Variants in NUMB observed in about 807,000 individuals in gnomAD.
The protein encoded by NUMB is protein numb homolog.
In NUMB, 29 loss-of-function variants were observed where a neutral mutation model predicts 59.7. The ratio of observed to expected loss-of-function variants is 0.49; its 90% confidence interval spans 0.36 to 0.66. The LOEUF is 0.66. NUMB is among the 30% of genes least tolerant of loss of function. NUMB has a pLI of 0.00. For synonymous variants in NUMB, 288 were observed against 288.2 expected (o/e 1.00, Z 0.01); for missense variants, 723 against 822.0 (o/e 0.88, Z 1.47).
chr14:73,450,375 A>G lies in NUMB; in HGVS notation c.-233+8118T>C, dbSNP rs147684537. On this transcript the variant is annotated intron_variant, in intron 1 of 12. Transcript: ENST00000555238. Reference sequence around the variant, plus strand: ...CCATTCTGTCATGCTGCCTCTGGACATAAATGATGCTCTTTCAATTTCATA... The same window carrying G: ...CCATTCTGTCATGCTGCCTCTGGACGTAAATGATGCTCTTTCAATTTCATA... Among the ~76,000 whole-genome samples, 67 of 152,378 alleles carry G rather than the reference A, an allele frequency of 4.4e-4. 2 individuals are homozygous for G. The highest frequency in any genetic ancestry group is 1.5e-3 in the African/African-American group (62 of 41,602).
intron 2 of NUMB, among the ~76,000 whole-genome samples, chr14:73,376,343 A>G (rs2140067330): frequency 6.6e-6 from 1 of 151,948 alleles, no homozygotes; most frequent in East Asian, 1.9e-4. Context: ...GTCTAATCAA[A>G]TATTTTCAAA....
At chr14:73,321,980 T>C (rs1891427976) in intron 5 of NUMB, among the ~76,000 whole-genome samples, 1 of 152,212 alleles carries the variant, frequency 6.6e-6, no homozygotes, top group Admixed American at 6.5e-5. Context: ...CTAAATTTTA[T>C]ATATTTTATA....
At chr14:73,309,759 A>T (rs867620638) in intron 6 of NUMB, among the ~76,000 whole-genome samples, 47 of 88,742 alleles carry the variant, frequency 5.3e-4, no homozygotes, top group African/African-American at 1.6e-3. Context: ...ATAATAATAA[A>T]AATAGGATCC....
intron 2 of NUMB, among the ~76,000 whole-genome samples, chr14:73,374,220 A>G (rs1384438747): frequency 6.6e-6 from 1 of 152,050 alleles, no homozygotes; most frequent in Non-Finnish European, 1.5e-5. Flanking sequence ...TCTCTCTACA[A>G]TGTTGTCCAG....
intron 2 of NUMB, among the ~76,000 whole-genome samples, chr14:73,385,164 T>C (rs1479126875): frequency 2.6e-5 from 4 of 151,772 alleles, no homozygotes; most frequent in African/African-American, 9.7e-5. Flanking sequence ...TGAAGTTTTA[T>C]TTTATTTTAT....
At chr14:73,294,759 T>C (rs1488733641) in intron 7 of NUMB, among the ~76,000 whole-genome samples, 1 of 138,680 alleles carries the variant, frequency 7.2e-6, no homozygotes, top group African/African-American at 2.7e-5. Context: ...ACTCAAGTGA[T>C]CCACCCGCCT....
chr14:73,369,066 G>T (rs1377736746), intron 2 of NUMB, among the ~76,000 whole-genome samples: 3 of 146,778 alleles, frequency 2.0e-5, no homozygotes, highest in Non-Finnish European at 4.4e-5. Context: ...TTTTGAGACG[G>T]TGTCTCACAC....
At chr14:73,319,614 A>G (rs760603820) in intron 5 of NUMB, among the ~76,000 whole-genome samples, 2 of 152,250 alleles carry the variant, frequency 1.3e-5, no homozygotes, top group Non-Finnish European at 2.9e-5. Context: ...TTGGCACAAT[A>G]TAAGTATCTG....
At chr14:73,334,036 T>G (rs755905398) in intron 4 of NUMB, among the ~76,000 whole-genome samples, 11 of 151,372 alleles carry the variant, frequency 7.3e-5, no homozygotes, top group African/African-American at 1.5e-4. Flanking sequence ...GGCTAATTTT[T>G]GGGGGTTTTT....
At chr14:73,285,414 TAA>T (rs984125020) in intron 9 of NUMB, 2 of 152,224 alleles carry the variant, frequency 1.3e-5, no homozygotes, top group African/African-American at 4.8e-5. Context: ...TGAAGACCAC[TAA>T]AGCATATTAG....
At chr14:73,283,679 TC>T (rs753547183) in intron 10 of NUMB, among the ~76,000 whole-genome samples, 5 of 152,226 alleles carry the variant, frequency 3.3e-5, no homozygotes, top group Non-Finnish European at 7.3e-5. Flanking sequence ...CATATCCATT[TC>T]TTCTGCTGGT....
At chr14:73,315,296 A>C (rs1445702616) in intron 6 of NUMB, among the ~76,000 whole-genome samples, 1 of 152,132 alleles carries the variant, frequency 6.6e-6, no homozygotes, top group Non-Finnish European at 1.5e-5. Context: ...AATCACATAA[A>C]TTTTTAGTAA....
chr14:73,408,877 CA>C (rs368923818), intron 2 of NUMB, among the ~76,000 whole-genome samples: 6,561 of 125,154 alleles, frequency 0.052, 583 homozygotes, highest in African/African-American at 0.19. Context: ...AACTCCTTCT[CA>C]AAAAAAAAAA....
intron 2 of NUMB, among the ~76,000 whole-genome samples, chr14:73,386,259 G>C (rs1172095988): frequency 6.6e-6 from 1 of 152,018 alleles, no homozygotes; most frequent in East Asian, 1.9e-4. Flanking sequence ...AAAAAACAAA[G>C]AACTTCTGTA....
chr14:73,410,422 A>G (rs56838208), intron 1 of NUMB, among the ~76,000 whole-genome samples: 3,130 of 152,266 alleles, frequency 0.021, 109 homozygotes, highest in African/African-American at 0.071. Flanking sequence ...CCTGGGTTCC[A>G]AACTCAGTGA....
chr14:73,364,221 C>T (rs1166672960), intron 3 of NUMB, among the ~76,000 whole-genome samples: 1 of 152,144 alleles, frequency 6.6e-6, no homozygotes, highest in African/African-American at 2.4e-5. Context: ...ATATAGCAGG[C>T]CAGGCATGGT....
chr14:73,457,024 C>T (rs1168549345), intron 1 of NUMB, among the ~76,000 whole-genome samples: 3 of 151,106 alleles, frequency 2.0e-5, no homozygotes, highest in African/African-American at 7.3e-5. Context: ...ATCCTAAAAG[C>T]TCTACAAATA....
chr14:73,334,443 T>G (rs779206023), intron 4 of NUMB, among the ~76,000 whole-genome samples: 2 of 152,208 alleles, frequency 1.3e-5, no homozygotes, highest in African/African-American at 4.8e-5. Context: ...TATAGTTAAA[T>G]AGCACAGGAA....
chr14:73,445,534 T>C (rs534773299), intron 1 of NUMB, among the ~76,000 whole-genome samples: 11 of 152,138 alleles, frequency 7.2e-5, no homozygotes, highest in Admixed American at 2.0e-4. Flanking sequence ...CATAGTACAA[T>C]TTAATATACA....
Sources: allele counts gnomAD v4.1 joint callset (sites outside exome capture counted in the v4.1 genomes callset), GRCh38; gene constraint gnomAD v4.1.1; transcripts MANE v1.5; gene names NCBI Gene and HGNC (gene_info 2026-07-23, HGNC 2026-07-21).